The following TSPYL1 variants were observed in gnomAD, a reference collection of about 807,000 sequenced individuals.
TSPYL1 encodes TSPY like 1, also known as testis-specific Y-encoded-like protein 1.
A neutral mutation model predicts 20.1 loss-of-function variants in TSPYL1; 16 were observed. The observed-to-expected ratio is 0.80, with a 90% CI of 0.54 to 1.21. The LOEUF (loss-of-function observed/expected upper bound fraction) is 1.21, where lower values mean the gene tolerates loss of function less well. Ranked by LOEUF, TSPYL1 falls within the 50% of genes most tolerant of loss-of-function variation. The pLI is 0.00. For synonymous variants in TSPYL1, 259 were observed against 227.1 expected, an observed-to-expected ratio of 1.14 and a Z score of -1.26; for missense variants, 560 against 569.3, an observed-to-expected ratio of 0.98 and a Z score of 0.17.
chr6:116,279,855 A>T lies in TSPYL1; in HGVS notation c.-25T>A. 2 of 1,613,088 alleles carry T rather than the reference A, an allele frequency of 1.2e-6. No homozygotes were observed. Among genetic ancestry groups the T allele is most frequent in the African/African-American group, 1.3e-5 (1 of 75,060 alleles). ...TGTTGCTAACAGTCGGACCAACCGC[A>T]GGCGAACGCCCGTTTTCCTCAGAGG... On this transcript the variant is annotated 5_prime_UTR_variant, in exon 1 of 1. Transcript: ENST00000368608.
At position 116,276,630 on chromosome 6, in the gene TSPYL1, T is replaced by C. The variant is rs1444944163; in HGVS notation, c.*1887A>G. 2 of 152,158 alleles carry C rather than the reference T, an allele frequency of 1.3e-5. No individual in the cohort carries two copies. The highest frequency in any genetic ancestry group is 4.8e-5 in the African/African-American group (2 of 41,392). The allele number at this position is 152,158 out of a possible 1,614,324, so 9.4% of individuals were successfully genotyped here. The stretch of plus-strand genomic sequence containing the variant: ...GATTTTAATCCATTAAGAACTTTAA[T>C]GGATTAAAGGACTTTAATGATTCCA... On this transcript the variant is annotated 3_prime_UTR_variant, in exon 1 of 1. Coordinates refer to ENST00000368608, the MANE Select transcript of TSPYL1 (RefSeq NM_003309.4).
chr6:116,279,905 C>A lies in TSPYL1; in HGVS notation c.-75G>T, dbSNP rs1392305415. On this transcript the variant is annotated 5_prime_UTR_variant, in exon 1 of 1. Coordinates refer to ENST00000368608, the MANE Select transcript of TSPYL1 (RefSeq NM_003309.4). ...GCCGAACTGGGAGCTAACCGCCGCT[C>A]GCACCGCCCACCCTACAGTCTCACT... The A allele has an allele frequency of 6.3e-7, 1 of 1,595,716 alleles. No individual in the cohort carries two copies. The highest frequency in any genetic ancestry group is 1.1e-5 in the South Asian group (1 of 90,368).
At position 116,275,494 on chromosome 6, in the gene TSPYL1, A is replaced by G. The variant is rs949552428; in HGVS notation, c.*3023T>C. 6.6e-6 allele frequency among the ~76,000 whole-genome samples: 1 copy of G among 152,160 alleles called. No individual in the cohort carries two copies. Among genetic ancestry groups the G allele is most frequent in the Admixed American group, 6.5e-5 (1 of 15,274 alleles). Reference sequence around the variant, plus strand: ...GTCATTCAATATTTATCTGCTGACAACTATGCAAAACATTATGCTAGATGG... The same window carrying G: ...GTCATTCAATATTTATCTGCTGACAGCTATGCAAAACATTATGCTAGATGG... On this transcript the variant is annotated 3_prime_UTR_variant, in exon 1 of 1. Transcript: ENST00000368608.
At position 116,276,607 on chromosome 6, in the gene TSPYL1, T is replaced by C. The variant is rs1297675042; in HGVS notation, c.*1910A>G. The C allele has an allele frequency of 1.3e-5, 2 of 152,080 alleles. No homozygotes were observed. Among genetic ancestry groups the C allele is most frequent in the Non-Finnish European group, 2.9e-5 (2 of 68,008 alleles). 9.4% of individuals were successfully genotyped at this position (152,080 alleles called of 1,614,324 possible). On this transcript the variant is annotated 3_prime_UTR_variant, in exon 1 of 1. Transcript: ENST00000368608. ...TTTAATCCATTAAGAACTTTAATGATTTTAATCCATTAAGAACTTTAATGG... is the reference window on the plus strand; with the variant it reads ...TTTAATCCATTAAGAACTTTAATGACTTTAATCCATTAAGAACTTTAATGG...
Position 116,278,743 on chromosome 6 carries a change from G to A in TSPYL1, c.1088C>T (p.Pro363Leu). The A allele has an allele frequency of 1.9e-6, 3 of 1,614,102 alleles. No homozygotes were observed. The highest frequency in any genetic ancestry group is 1.1e-5 in the South Asian group (1 of 91,088). The change falls in exon 1 of 1, where the codon CCC becomes CTC. Residue 363 changes from proline to leucine, a missense_variant. Pro to Leu is a moderately conservative substitution (Grantham distance 98). Transcript: ENST00000368608. ...TPIIWRRGHE[P>L]QSFIRRNQDL... ...TTGGTTTCTGCGAATGAAGGACTGG[G>A]GTTCATGCCCCCTGCGCCATATAAT...
rs771492612 is a variant in TSPYL1 at position 116,279,523 on chromosome 6, G to A, written c.308C>T (p.Pro103Leu). ...AIKAGQEEGQ[P>L]PAEGLAAASV... ...AGCGGCTGCCAGGCCTTCGGCGGGA[G>A]GCTGGCCCTCTTCCTGCCCGGCTTT... Residue 103 changes from proline to leucine, a missense_variant, in exon 1 of 1, where the codon CCT becomes CTT. By Grantham distance (98) the Pro-to-Leu change is moderately conservative. Transcript: ENST00000368608. 1 of 1,607,790 alleles carries A rather than the reference G, an allele frequency of 6.2e-7. No individual in the cohort carries two copies. Among genetic ancestry groups the A allele is most frequent in the East Asian group, 2.2e-5 (1 of 44,872 alleles).
Position 116,278,036 on chromosome 6 carries a change from C to A in TSPYL1, c.*481G>T, listed in dbSNP as rs965109193. The stretch of plus-strand genomic sequence containing the variant: ...GGAAGAGCAATGAAGTACCATAAAT[C>A]ACACAGAACAAGTGGCTCACTGCTT... On this transcript the variant is annotated 3_prime_UTR_variant, in exon 1 of 1. Transcript: ENST00000368608. The A allele has an allele frequency of 6.1e-6, 1 of 162,992 alleles. No individual in the cohort carries two copies. The highest frequency in any genetic ancestry group is 1.3e-5 in the Non-Finnish European group (1 of 74,204). The allele number at this position is 162,992 out of a possible 1,614,324, so 10.1% of individuals were successfully genotyped here. A position where few individuals can be genotyped will look rare whatever the true frequency, so the allele number is the denominator to read the frequency against.
chr6:116,279,291 C>G lies in TSPYL1; in HGVS notation c.540G>C (p.Leu180=). 6.5e-7 allele frequency: 1 copy of G among 1,535,626 alleles called. No individual in the cohort carries two copies. Among genetic ancestry groups the G allele is most frequent in the Non-Finnish European group, 8.6e-7 (1 of 1,158,754 alleles). Residue 180 remains leucine (L), a synonymous_variant, in exon 1 of 1, where the codon CTG becomes CTC. Coordinates refer to ENST00000368608, the MANE Select transcript of TSPYL1 (RefSeq NM_003309.4). The part of the protein sequence containing the change: ...RESAEVVKEG[L]AEKEVMEEQM... ...GCTCCTCCATTACCTCCTTCTCCGCCAGGCCTTCCTTCACCACCTCAGCGC... is the reference window on the plus strand; with the variant it reads ...GCTCCTCCATTACCTCCTTCTCCGCGAGGCCTTCCTTCACCACCTCAGCGC...
rs773159856 is a variant in TSPYL1, at chr6:116,278,788, A to C, written c.1043T>G (p.Val348Gly). The C allele has an allele frequency of 1.9e-6, 3 of 1,613,852 alleles. No homozygotes were observed. Among genetic ancestry groups the C allele is most frequent in the Non-Finnish European group, 2.5e-6 (3 of 1,180,016 alleles). The change falls in exon 1 of 1, where the codon GTG becomes GGG. Residue 348 changes from valine (V) to glycine (G), a missense_variant. Physicochemically the swap from Val to Gly is moderately radical, Grantham distance 109. Transcript: ENST00000368608. ...TATAATTGGAGTAGAAAGAGACACC[A>C]CTCGGCCGGAGGATCTTACCTCATA... The part of the protein sequence containing the change: ...KEYEVRSSGR[V>G]VSLSTPIIWR...
chr6:116,277,475 T>C lies in TSPYL1; in HGVS notation c.*1042A>G, dbSNP rs1319607525. 3.9e-5 allele frequency: 6 copies of C among 152,462 alleles called. No homozygotes were observed. Among genetic ancestry groups the C allele is most frequent in the Non-Finnish European group, 7.3e-5 (5 of 68,076 alleles). The allele number at this position is 152,462 out of a possible 1,614,324, so 9.4% of individuals were successfully genotyped here. A position where few individuals can be genotyped will look rare whatever the true frequency, so the allele number is the denominator to read the frequency against. ...TCATCCCATCTAGATGTGTCTCTCT[T>C]TAACTATTCTAGGAGTTGATAAAAG... On this transcript the variant is annotated 3_prime_UTR_variant, in exon 1 of 1. Coordinates refer to ENST00000368608, the MANE Select transcript of TSPYL1 (RefSeq NM_003309.4).
In TSPYL1 at chr6:116,278,917, G is replaced by T. The variant is rs747566014; in HGVS notation, c.914C>A (p.Thr305Asn). Residue 305 changes from threonine to asparagine, a missense_variant, in exon 1 of 1, where the codon ACC becomes AAC. Physicochemically the swap from Thr to Asn is moderately conservative, Grantham distance 65. Transcript: ENST00000368608. ...GQDAEMLRYI[T>N]NLEVKELRHP... ...TCTGAGTTCCTTCACCTCTAAATTGGTTATGTACCTTAACATCTCTGCATC... is the reference window on the plus strand; with the variant it reads ...TCTGAGTTCCTTCACCTCTAAATTGTTTATGTACCTTAACATCTCTGCATC... 6.2e-7 allele frequency: 1 copy of T among 1,614,054 alleles called. No individual in the cohort carries two copies. Among genetic ancestry groups the T allele is most frequent in the Admixed American group, 1.7e-5 (1 of 60,012 alleles).
Position 116,279,451 on chromosome 6 carries a change from C to A in TSPYL1, c.380G>T (p.Gly127Val), listed in dbSNP as rs141676709. ...ACAGATTTCTAGGGCCTTCTCTCCACCCTGAACGCCCTTTTTCAGGCTGCG... is the reference window on the plus strand; with the variant it reads ...ACAGATTTCTAGGGCCTTCTCTCCAACCTGAACGCCCTTTTTCAGGCTGCG... Reference protein sequence around the residue: ...ADRSLKKGVQGGEKALEICGA... With the variant: ...ADRSLKKGVQVGEKALEICGA... Residue 127 changes from glycine (G) to valine (V), a missense_variant, in exon 1 of 1, where the codon GGT (glycine) becomes GTT (valine). Transcript: ENST00000368608. 2.5e-6 allele frequency: 4 copies of A among 1,613,240 alleles called. No homozygotes were observed. In the African/African-American group the frequency reaches 5.3e-5, roughly 22 times the overall value.
At position 116,278,667 on chromosome 6, in the gene TSPYL1, C is replaced by T. The variant is rs1207567959; in HGVS notation, c.1164G>A (p.Glu388=). 5.6e-6 allele frequency: 9 copies of T among 1,614,120 alleles called. No homozygotes were observed. The highest frequency in any genetic ancestry group is 6.8e-6 in the Non-Finnish European group (8 of 1,180,026). Residue 388 remains glutamate, a synonymous_variant, in exon 1 of 1, where the codon GAG becomes GAA. Transcript: ENST00000368608. ...TAATAATCTCAGCAATTTTGTCGGA[C>T]TCTGGAAGGCTGTGGTCTGAAAACC... ...FTWFSDHSLP[E]SDKIAEIIKE... is the part of the protein sequence containing the mutation.
At position 116,279,459 on chromosome 6, in the gene TSPYL1, G is replaced by A. The variant is rs775290933; in HGVS notation, c.372C>T (p.Gly124=). The change falls in exon 1 of 1, where the codon GGC becomes GGT. Residue 124 remains glycine (G), a synonymous_variant. Coordinates refer to ENST00000368608, the MANE Select transcript of TSPYL1 (RefSeq NM_003309.4). The stretch of plus-strand genomic sequence containing the variant: ...CTAGGGCCTTCTCTCCACCCTGAAC[G>A]CCCTTTTTCAGGCTGCGGTCGGCTG... ...VMAADRSLKK[G]VQGGEKALEI... 37 of 1,612,968 alleles carry A rather than the reference G, an allele frequency of 2.3e-5. 1 individual carries two copies. In the Admixed American group the frequency reaches 2.8e-4, roughly 12 times the overall value.
In TSPYL1 at chr6:116,279,266, GCTC is replaced by G; in HGVS notation, c.562_564del (p.Glu188del). 6.2e-7 allele frequency: 1 copy of G among 1,605,140 alleles called. No homozygotes were observed. The highest frequency in any genetic ancestry group is 8.5e-7 in the Non-Finnish European group (1 of 1,179,004). ...GGCGGCTGCTCCTCTACCTCCATCT[GCTC>G]CTCCATTACCTCCTTCTCCGCCAGG... On this transcript the variant is annotated inframe_deletion, in exon 1 of 1. Coordinates refer to ENST00000368608, the MANE Select transcript of TSPYL1 (RefSeq NM_003309.4).
In TSPYL1 at chr6:116,279,713, T is replaced by C; in HGVS notation, c.118A>G (p.Ser40Gly). 1.2e-6 allele frequency: 2 copies of C among 1,611,344 alleles called. No homozygotes were observed. Among genetic ancestry groups the C allele is most frequent in the East Asian group, 4.5e-5 (2 of 44,878 alleles). ...TCCGCCATCACCTGTGTCGCCTCGC[T>C]TTGGTCGCGGAGCCTCAGGTACTGG... is the stretch of plus-strand genomic sequence containing the variant. ...AHQYLRLRDQ[S>G]EATQVMAEPG... The change falls in exon 1 of 1, where the codon AGC becomes GGC. Residue 40 changes from serine (S) to glycine (G), a missense_variant. Ser to Gly is a moderately conservative substitution (Grantham distance 56, BLOSUM62 0). Transcript: ENST00000368608.
In TSPYL1 at chr6:116,275,053, A is replaced by C. The variant is rs919372011; in HGVS notation, c.*3464T>G. 2.0e-5 allele frequency among the ~76,000 whole-genome samples: 3 copies of C among 152,244 alleles called. No homozygotes were observed. The highest frequency in any genetic ancestry group is 4.4e-5 in the Non-Finnish European group (3 of 68,028). Reference sequence around the variant, plus strand: ...TATTTCAACATGCAATCAATATGAAAAAAATTGAGATATTTTAACATTTTT... The same window carrying C: ...TATTTCAACATGCAATCAATATGAACAAAATTGAGATATTTTAACATTTTT... On this transcript the variant is annotated 3_prime_UTR_variant, in exon 1 of 1. Coordinates refer to ENST00000368608, the MANE Select transcript of TSPYL1 (RefSeq NM_003309.4).
rs45490498 is a variant in TSPYL1 at position 116,278,696 on chromosome 6, T to C, written c.1135A>G (p.Thr379Ala). The stretch of plus-strand genomic sequence containing the variant: ...GGAAGGCTGTGGTCTGAAAACCAAG[T>C]GAAGAAGCTGCAGATGAGGTCTTGG... ...RNQDLICSFF[T>A]WFSDHSLPES... is the part of the protein sequence containing the mutation. Residue 379 changes from threonine (T) to alanine (A), a missense_variant, in exon 1 of 1, where the codon ACT becomes GCT. By Grantham distance (58) the Thr-to-Ala change is moderately conservative. Coordinates refer to ENST00000368608, the MANE Select transcript of TSPYL1 (RefSeq NM_003309.4). The C allele has an allele frequency of 0.01, 16,532 of 1,614,102 alleles. 101 individuals carry two copies. Among genetic ancestry groups the C allele is most frequent in the Non-Finnish European group, 0.013 (14,949 of 1,179,996 alleles).
In TSPYL1 at chr6:116,275,290, C is replaced by T. The variant is rs948799312; in HGVS notation, c.*3227G>A. On this transcript the variant is annotated 3_prime_UTR_variant, in exon 1 of 1. Coordinates refer to ENST00000368608, the MANE Select transcript of TSPYL1 (RefSeq NM_003309.4). ...AAAGGTAACCCAAAATTAAGTAGTGCTCTGTTAAAATGCAAGTGAAAGATT... is the reference window on the plus strand; with the variant it reads ...AAAGGTAACCCAAAATTAAGTAGTGTTCTGTTAAAATGCAAGTGAAAGATT... Among the ~76,000 whole-genome samples the T allele has an allele frequency of 3.3e-5, 5 of 152,154 alleles. No individual in the cohort carries two copies. The highest frequency in any genetic ancestry group is 3.3e-4 in the Admixed American group (5 of 15,274).
Sources: allele counts gnomAD v4.1 joint callset (sites outside exome capture counted in the v4.1 genomes callset), GRCh38; gene constraint gnomAD v4.1.1; transcripts MANE v1.5; gene names NCBI Gene and HGNC (gene_info 2026-07-23, HGNC 2026-07-21).